PLEKHH2: variants seen among roughly 807,000 people sequenced by gnomAD.
The protein encoded by PLEKHH2 is pleckstrin homology, MyTH4 and FERM domain containing H2.
Under a neutral mutation model 187.9 loss-of-function variants are expected in PLEKHH2, and 129 were observed. The ratio of observed to expected loss-of-function variants is 0.69; its 90% confidence interval spans 0.59 to 0.79. The LOEUF is 0.79. PLEKHH2 is among the 30% of genes least tolerant of loss of function. The probability of loss-of-function intolerance (pLI) is 0.00; values close to 1 mark genes in which losing one functional copy is unlikely to be tolerated. For synonymous variants in PLEKHH2, 686 were observed against 605.6 expected (o/e 1.13, Z -1.95); for missense variants, 2,076 against 1,751.2 (o/e 1.19, Z -3.31).
chr2:43,700,011 A>C lies in PLEKHH2; in HGVS notation c.1053A>C (p.Leu351=). The part of the protein sequence containing the change: ...FGIKRPEHKK[L]YSWQQEAQWK... The stretch of plus-strand genomic sequence containing the variant: ...TAAAGAGACCAGAACACAAGAAGCT[A>C]TATTCTTGGCAGCAGGAGGCACAGT... The change falls in exon 8 of 30, where the codon CTA becomes CTC. Residue 351 remains leucine (L), a synonymous_variant. Transcript: ENST00000282406. The C allele has an allele frequency of 6.2e-7, 1 of 1,614,190 alleles. No homozygotes were observed. The highest frequency in any genetic ancestry group is 8.5e-7 in the Non-Finnish European group (1 of 1,180,018).
At chr2:43,761,572 A>C (rs1178448428) in intron 27 of PLEKHH2, among the ~76,000 whole-genome samples, 1 of 151,816 alleles carries the variant, frequency 6.6e-6, no homozygotes, top group East Asian at 1.9e-4. Context: ...CACCATGCCC[A>C]GCTGATTTTT....
intron 2 of PLEKHH2, among the ~76,000 whole-genome samples, chr2:43,657,329 C>T (rs925981827): frequency 1.3e-5 from 2 of 152,132 alleles, no homozygotes; most frequent in Admixed American, 1.3e-4. Flanking sequence ...CAGGTGCACG[C>T]CGCCACACCT....
chr2:43,766,266 G>T lies in PLEKHH2; in HGVS notation c.*668G>T, dbSNP rs1365249366. 1 of 152,726 alleles carries T rather than the reference G, an allele frequency of 6.5e-6. No homozygotes were observed. Among genetic ancestry groups the T allele is most frequent in the Non-Finnish European group, 1.5e-5 (1 of 68,036 alleles). The allele number at this position is 152,726 out of a possible 1,614,324, so 9.5% of individuals were successfully genotyped here. On this transcript the variant is annotated 3_prime_UTR_variant, in exon 30 of 30. Transcript: ENST00000282406. ...GGAGTGTAAAATTTAAAACAAGATG[G>T]TGATTCCTGACATTCCTTGGCTGTC...
chr2:43,720,300 C>G (rs768579590), intron 15 of PLEKHH2, among the ~76,000 whole-genome samples: 15 of 146,076 alleles, frequency 1.0e-4, no homozygotes, highest in Non-Finnish European at 2.2e-4. Context: ...TTTTTTACAA[C>G]TTTTATTTTA....
chr2:43,657,219 A>G (rs1666826463), intron 2 of PLEKHH2, among the ~76,000 whole-genome samples: 1 of 152,140 alleles, frequency 6.6e-6, no homozygotes, highest in Non-Finnish European at 1.5e-5. Context: ...CTGGGTCTGG[A>G]TATCCAAGAT....
Position 43,676,134 on chromosome 2 carries a change from C to T in PLEKHH2, c.124-2729C>T, listed in dbSNP as rs1043318158. 3.7e-6 allele frequency: 6 copies of T among 1,613,874 alleles called. 1 individual carries two copies. In the Admixed American group the frequency reaches 1.0e-4, roughly 27 times the overall value. On this transcript the variant is annotated intron_variant, in intron 2 of 29. Transcript: ENST00000282406. ...AGAAAACACGAATACTTTTACTGAG[C>T]TCCAAGAGTATCACTTTTGAAGTGT...
chr2:43,704,205 A>C (rs1669535145), intron 9 of PLEKHH2, 149 bp downstream of exon 9: 1 of 589,242 alleles, frequency 1.7e-6, no homozygotes, highest in African/African-American at 1.9e-5. Context: ...AATTCATAGG[A>C]ATAGAAAGTA....
At chr2:43,741,702 T>G (rs1367516892) in intron 21 of PLEKHH2, among the ~76,000 whole-genome samples, 2 of 152,212 alleles carry the variant, frequency 1.3e-5, no homozygotes, top group Non-Finnish European at 2.9e-5. Context: ...TAATACATTG[T>G]GGGGCCTCTG....
At chr2:43,648,394 G>A (rs1189156189) in intron 2 of PLEKHH2, among the ~76,000 whole-genome samples, 2 of 152,134 alleles carry the variant, frequency 1.3e-5, no homozygotes, top group Admixed American at 6.5e-5. Context: ...TCACCATATT[G>A]GCCAGGATGG....
chr2:43,716,404 C>T (rs185059966), intron 15 of PLEKHH2, among the ~76,000 whole-genome samples: 51 of 152,102 alleles, frequency 3.4e-4, no homozygotes, highest in African/African-American at 1.1e-3. Context: ...TTATTCCGTA[C>T]GACAATGTTA....
chr2:43,725,269 G>C (rs12479011), intron 16 of PLEKHH2, among the ~76,000 whole-genome samples: 92,867 of 151,930 alleles, frequency 0.61, 29,870 homozygotes, highest in African/African-American at 0.79. Context: ...TGTGTTTGTT[G>C]CCATCTTCTT....
intron 1 of PLEKHH2, among the ~76,000 whole-genome samples, chr2:43,638,624 C>T (rs1216463729): frequency 6.6e-6 from 1 of 152,122 alleles, no homozygotes; most frequent in Non-Finnish European, 1.5e-5. Context: ...AGATTCCTTT[C>T]AAATTCAGAA....
At chr2:43,730,888 G>T (rs539884067) in intron 18 of PLEKHH2, among the ~76,000 whole-genome samples, 22 of 152,246 alleles carry the variant, frequency 1.4e-4, no homozygotes, top group African/African-American at 5.3e-4. Flanking sequence ...CTCCTCTCTA[G>T]AGAAGTTCTA....
chr2:43,685,918 A>G lies in PLEKHH2; in HGVS notation c.187-6596A>G, dbSNP rs111919655. Among the ~76,000 whole-genome samples the G allele has an allele frequency of 2.7e-3, 417 of 152,332 alleles. 3 individuals carry two copies. The highest frequency in any genetic ancestry group is 9.6e-3 in the African/African-American group (398 of 41,564). ...TCTAATTAGGTGGATACCTTAATAT[A>G]TTACATTTATTTATGCTGACCAACT... On this transcript the variant is annotated intron_variant, in intron 3 of 29. Coordinates refer to ENST00000282406, the MANE Select transcript of PLEKHH2 (RefSeq NM_172069.4).
intron 8 of PLEKHH2, among the ~76,000 whole-genome samples, chr2:43,703,716 T>C (rs1007148180): frequency 1.3e-5 from 2 of 152,192 alleles, no homozygotes; most frequent in African/African-American, 2.4e-5. Flanking sequence ...TACTTTTTCT[T>C]CACGTCTTCA....
chr2:43,641,691 C>G (rs765260469), intron 1 of PLEKHH2, among the ~76,000 whole-genome samples: 2 of 152,104 alleles, frequency 1.3e-5, no homozygotes, highest in Non-Finnish European at 2.9e-5. Flanking sequence ...GGTATGGGTC[C>G]ACATTCATTC....
intron 2 of PLEKHH2, among the ~76,000 whole-genome samples, chr2:43,672,964 T>A (rs1667560617): frequency 6.6e-6 from 1 of 152,182 alleles, no homozygotes; most frequent in Admixed American, 6.5e-5. Context: ...TGCTTTGCAG[T>A]CCCTTTTCCC....
Position 43,762,375 on chromosome 2 carries a change from A to G in PLEKHH2, c.4143A>G (p.Leu1381=), listed in dbSNP as rs1228793180. The stretch of plus-strand genomic sequence containing the variant: ...TACATGAGGATGGTTTAAGCCTCTT[A>G]GAATACAACTCCATGGTAAGTTTAA... ...LAVHEDGLSL[L]EYNSMRLIVS... is the part of the protein sequence containing the mutation. The change falls in exon 28 of 30, where the codon TTA becomes TTG. Residue 1381 remains leucine, a synonymous_variant. Coordinates refer to ENST00000282406, the MANE Select transcript of PLEKHH2 (RefSeq NM_172069.4). The G allele has an allele frequency of 1.2e-6, 2 of 1,609,034 alleles. No homozygotes were observed. The highest frequency in any genetic ancestry group is 1.3e-5 in the African/African-American group (1 of 74,942).
At chr2:43,681,400 G>C in intron 3 of PLEKHH2, 1 of 1,549,808 alleles carries the variant, frequency 6.5e-7, no homozygotes, top group East Asian at 2.3e-5. Flanking sequence ...TGTCGACTTT[G>C]TTCTTTCCTT....
Sources: gnomAD v4.1 joint callset for allele counts (sites outside exome capture counted in the v4.1 genomes callset) on GRCh38, gnomAD v4.1.1 for gene constraint, MANE v1.5 for transcripts, NCBI Gene and HGNC (gene_info 2026-07-23, HGNC 2026-07-21) for gene names.